The following AKT3 variants were observed in gnomAD, a reference collection of about 807,000 sequenced individuals.
AKT3 encodes the protein RAC-gamma serine/threonine-protein kinase.
Under a neutral mutation model 65.3 loss-of-function variants are expected in AKT3, and 15 were observed. The ratio of observed to expected loss-of-function variants is 0.23; its 90% confidence interval spans 0.15 to 0.35. The LOEUF is 0.35. AKT3 is among the 10% of genes least tolerant of loss of function. The pLI, the probability that AKT3 is intolerant of heterozygous loss-of-function variation, is 1.00. For synonymous variants in AKT3, 206 were observed against 183.8 expected, an observed-to-expected ratio of 1.12 and a Z score of -0.98; for missense variants, 243 against 576.5, an observed-to-expected ratio of 0.42 and a Z score of 5.92.
downstream of AKT3, among the ~76,000 whole-genome samples, chr1:243,498,925 C>A (rs1325416366): frequency 6.6e-6 from 1 of 152,226 alleles, no homozygotes; most frequent in Non-Finnish European, 1.5e-5. Flanking sequence ...AAATACCATC[C>A]TGGCTTTTCT....
intron 2 of AKT3, among the ~76,000 whole-genome samples, chr1:243,755,506 T>C (rs1475064044): frequency 6.6e-6 from 1 of 152,196 alleles, no homozygotes; most frequent in Non-Finnish European, 1.5e-5. Flanking sequence ...TTACTACTAG[T>C]ATACTGATAG....
At chr1:243,629,514 C>T (rs539751452) in intron 6 of AKT3, among the ~76,000 whole-genome samples, 26 of 152,150 alleles carry the variant, frequency 1.7e-4, no homozygotes, top group Non-Finnish European at 3.5e-4. Flanking sequence ...AGATATTGGC[C>T]GGGCACAGTG....
In AKT3 at chr1:243,819,697, A is replaced by AC. The variant is rs145050503; in HGVS notation, c.46+23427dup. 5.2e-3 allele frequency among the ~76,000 whole-genome samples: 784 copies of AC among 151,408 alleles called. 9 individuals carry two copies. The highest frequency in any genetic ancestry group is 0.018 in the African/African-American group (735 of 41,186). On this transcript the variant is annotated intron_variant, in intron 2 of 13. Transcript: ENST00000673466. ...ATCTTGTGCCTCCTGACTGAGAGAG[A>AC]CCCCCCCAACAGGGGTCGCCAGACA...
chr1:243,678,128 G>A (rs1297188789), intron 3 of AKT3, among the ~76,000 whole-genome samples: 1 of 151,990 alleles, frequency 6.6e-6, no homozygotes, highest in African/African-American at 2.4e-5. Context: ...TAGCCTATCA[G>A]TCATTATCAG....
chr1:243,689,032 C>A (rs146675750), intron 3 of AKT3, among the ~76,000 whole-genome samples: 1 of 152,168 alleles, frequency 6.6e-6, no homozygotes, highest in Admixed American at 6.5e-5. Flanking sequence ...CTCAGTCAAC[C>A]TCGCCAACAC....
intron 2 of AKT3, among the ~76,000 whole-genome samples, chr1:243,784,829 T>C (rs568573785): frequency 5.9e-5 from 9 of 151,688 alleles, no homozygotes; most frequent in African/African-American, 2.2e-4. Flanking sequence ...GGCACAATCA[T>C]AGCTCACTGC....
intron 2 of AKT3, among the ~76,000 whole-genome samples, chr1:243,789,756 T>TG (rs1691501188): frequency 1.3e-5 from 2 of 152,270 alleles, no homozygotes; most frequent in Non-Finnish European, 2.9e-5. Flanking sequence ...CCTTAGAAAA[T>TG]GTATTTCTTA....
intron 2 of AKT3, among the ~76,000 whole-genome samples, chr1:243,761,334 C>G (rs544348397): frequency 1.2e-4 from 19 of 152,176 alleles, no homozygotes; most frequent in African/African-American, 4.3e-4. Flanking sequence ...ACTCAATGGA[C>G]AAGCTAAATA....
intron 4 of AKT3, among the ~76,000 whole-genome samples, chr1:243,659,993 A>G (rs984623096): frequency 1.1e-4 from 17 of 152,104 alleles, no homozygotes; most frequent in Admixed American, 2.6e-4. Context: ...TGCTGGCCTC[A>G]TAAAATGAGT....
At chr1:243,773,541 G>GA (rs1282062331) in intron 2 of AKT3, among the ~76,000 whole-genome samples, 1 of 152,064 alleles carries the variant, frequency 6.6e-6, no homozygotes, top group East Asian at 1.9e-4. Context: ...TTGAGCCCAG[G>GA]AGTTCCAGGC....
At chr1:243,600,323 G>A (rs189388055) in intron 8 of AKT3, among the ~76,000 whole-genome samples, 314 of 152,190 alleles carry the variant, frequency 2.1e-3, no homozygotes, top group Non-Finnish European at 3.8e-3. Context: ...AATTTATGTG[G>A]AAATGCAAAG....
intron 2 of AKT3, among the ~76,000 whole-genome samples, chr1:243,840,601 T>C (rs1463561345): frequency 1.3e-5 from 2 of 152,206 alleles, no homozygotes; most frequent in Non-Finnish European, 2.9e-5. Flanking sequence ...TAACTGCTTT[T>C]CAGAATCAGC....
chr1:243,741,393 T>C (rs1688146197), intron 2 of AKT3, among the ~76,000 whole-genome samples: 1 of 152,188 alleles, frequency 6.6e-6, no homozygotes, highest in South Asian at 2.1e-4. Flanking sequence ...CTCATGCCAA[T>C]GTTTTTAAAA....
intron 2 of AKT3, among the ~76,000 whole-genome samples, chr1:243,766,299 A>G (rs1018455007): frequency 2.0e-5 from 3 of 152,176 alleles, no homozygotes; most frequent in Non-Finnish European, 2.9e-5. Flanking sequence ...GTGTAAGACT[A>G]CCATTACAGA....
intron 10 of AKT3, 106 bp downstream of exon 10, chr1:243,563,614 A>C: frequency 7.3e-7 from 1 of 1,364,584 alleles, no homozygotes; most frequent in Non-Finnish European, 9.7e-7. Context: ...AGGTTGAAAT[A>C]TAGATAAAAG....
intron 2 of AKT3, among the ~76,000 whole-genome samples, chr1:243,801,835 A>G (rs1016320299): frequency 6.6e-6 from 1 of 152,204 alleles, no homozygotes; most frequent in African/African-American, 2.4e-5. Flanking sequence ...CAAATATCCA[A>G]TGGAAAATCT....
chr1:243,819,505 GC>G (rs1246919460), intron 2 of AKT3, among the ~76,000 whole-genome samples: 1 of 152,180 alleles, frequency 6.6e-6, no homozygotes, highest in East Asian at 1.9e-4. Context: ...CTGGGACTCA[GC>G]CCCTGCGGGG....
chr1:243,798,408 T>G (rs920027427), intron 2 of AKT3, among the ~76,000 whole-genome samples: 10 of 137,934 alleles, frequency 7.2e-5, no homozygotes, highest in East Asian at 2.1e-4. Flanking sequence ...TTTTTTTTTT[T>G]TTTTTTTTTG....
At chr1:243,489,264 G>A in intron 13 of AKT3, 1 of 1,317,512 alleles carries the variant, frequency 7.6e-7, no homozygotes, top group Admixed American at 2.1e-5. Flanking sequence ...CTGGGAGGGA[G>A]GTCCCGAAGA....
Sources: gnomAD v4.1 joint callset for allele counts (sites outside exome capture counted in the v4.1 genomes callset) on GRCh38, gnomAD v4.1.1 for gene constraint, MANE v1.5 for transcripts, NCBI Gene and HGNC (gene_info 2026-07-23, HGNC 2026-07-21) for gene names.